Variants in DGKB observed in about 807,000 individuals in gnomAD.
DGKB encodes diacylglycerol kinase beta, also known as 90 kDa diacylglycerol kinase.
DGKB carries 67 observed loss-of-function variants against 114.3 expected under a neutral mutation model. That is an observed-to-expected ratio of 0.59 (90% CI 0.48 to 0.72). The LOEUF is 0.72. Among genes scored for constraint, DGKB ranks in the 30% least tolerant of loss-of-function variants. The pLI, the probability that DGKB is intolerant of heterozygous loss-of-function variation, is 0.00. For synonymous variants in DGKB, 398 were observed against 323.1 expected (o/e 1.23, Z -2.49); for missense variants, 907 against 975.2 (o/e 0.93, Z 0.93).
At chr7:14,211,071 A>G (rs1430902005) in intron 23 of DGKB, among the ~76,000 whole-genome samples, 1 of 152,030 alleles carries the variant, frequency 6.6e-6, no homozygotes, top group African/African-American at 2.4e-5. Context: ...AAACATCTTT[A>G]TAGGTTTCTT....
At chr7:14,304,690 A>T (rs1804180229) in intron 23 of DGKB, among the ~76,000 whole-genome samples, 1 of 152,118 alleles carries the variant, frequency 6.6e-6, no homozygotes, top group Non-Finnish European at 1.5e-5. Context: ...TTCAATTTTT[A>T]ACCTGAGAAA....
intron 25 of DGKB, among the ~76,000 whole-genome samples, chr7:14,150,110 T>C (rs1384297648): frequency 6.6e-6 from 1 of 152,150 alleles, no homozygotes; most frequent in African/African-American, 2.4e-5. Context: ...TGATTCTCAT[T>C]ATGTAATAAA....
intron 21 of DGKB, among the ~76,000 whole-genome samples, chr7:14,352,870 C>T (rs1813738070): frequency 6.6e-6 from 1 of 152,126 alleles, no homozygotes; most frequent in Admixed American, 6.5e-5. Flanking sequence ...CTGCAGTGAG[C>T]TGAGATCGTG....
intron 23 of DGKB, among the ~76,000 whole-genome samples, chr7:14,181,534 A>G (rs1404930083): frequency 6.6e-6 from 1 of 152,236 alleles, no homozygotes; most frequent in Non-Finnish European, 1.5e-5. Context: ...TACAAAAGAA[A>G]GTAGAACAGT....
chr7:14,858,262 C>T (rs1337903784), intron 1 of DGKB, among the ~76,000 whole-genome samples: 1 of 152,138 alleles, frequency 6.6e-6, no homozygotes, highest in Non-Finnish European at 1.5e-5. Context: ...TATTTATGTT[C>T]TTGCCACAAC....
At chr7:14,811,738 GGC>G (rs1843461349) in intron 2 of DGKB, among the ~76,000 whole-genome samples, 1 of 151,600 alleles carries the variant, frequency 6.6e-6, no homozygotes. Flanking sequence ...TTAAAAATTG[GGC>G]TATCCCTTAT....
chr7:14,237,897 A>G (rs1793046242), intron 23 of DGKB, among the ~76,000 whole-genome samples: 1 of 152,178 alleles, frequency 6.6e-6, no homozygotes, highest in African/African-American at 2.4e-5. Flanking sequence ...AAAAGTAATC[A>G]ATAATCTTGT....
chr7:14,303,385 A>T (rs967975661), intron 23 of DGKB, among the ~76,000 whole-genome samples: 1 of 152,148 alleles, frequency 6.6e-6, no homozygotes, highest in African/African-American at 2.4e-5. Context: ...AGCCATATTC[A>T]CCTTTCCAGA....
intron 13 of DGKB, among the ~76,000 whole-genome samples, chr7:14,668,407 G>A (rs1585505146): frequency 6.6e-6 from 1 of 152,114 alleles, no homozygotes; most frequent in Non-Finnish European, 1.5e-5. Flanking sequence ...TTGGGATTTG[G>A]AGAAAATCTC....
At chr7:14,867,835 T>C (rs1851902257) in intron 1 of DGKB, among the ~76,000 whole-genome samples, 1 of 152,248 alleles carries the variant, frequency 6.6e-6, no homozygotes, top group African/African-American at 2.4e-5. Context: ...CCTTAACCTA[T>C]GTCTAATTTT....
chr7:14,895,926 T>G (rs1196254924), intron 1 of DGKB, among the ~76,000 whole-genome samples: 2 of 151,716 alleles, frequency 1.3e-5, no homozygotes, highest in African/African-American at 2.4e-5. Flanking sequence ...AAACACTTCC[T>G]TATATTTTCT....
rs181146999 is a variant in DGKB, at chr7:14,184,545, G to A, written c.2123-6394C>T. On this transcript the variant is annotated intron_variant, in intron 23 of 25. Transcript: ENST00000402815. Reference sequence around the variant, plus strand: ...TGACAACCTGCATGACTCAGCAGAGGCAGCCATAATCCTCCTAGGTATACA... The same window carrying A: ...TGACAACCTGCATGACTCAGCAGAGACAGCCATAATCCTCCTAGGTATACA... Among the ~76,000 whole-genome samples the A allele has an allele frequency of 2.2e-3, 334 of 152,176 alleles. 3 individuals carry two copies. The highest frequency in any genetic ancestry group is 0.011 in the Admixed American group (168 of 15,298).
intron 1 of DGKB, among the ~76,000 whole-genome samples, chr7:14,953,684 T>C (rs1280266921): frequency 1.3e-5 from 2 of 152,118 alleles, no homozygotes; most frequent in Non-Finnish European, 2.9e-5. Context: ...CTAGCAAATC[T>C]GCTCTTAGGT....
chr7:14,180,395 A>G (rs1488020589), intron 23 of DGKB, among the ~76,000 whole-genome samples: 2 of 151,908 alleles, frequency 1.3e-5, no homozygotes, highest in Non-Finnish European at 2.9e-5. Context: ...CTTTCTTTTA[A>G]TTTGTCTTTG....
At chr7:14,667,098 A>G (rs1296478398) in intron 13 of DGKB, among the ~76,000 whole-genome samples, 1 of 152,088 alleles carries the variant, frequency 6.6e-6, no homozygotes. Flanking sequence ...GCATTTCATC[A>G]GTGCAGAGGA....
intron 1 of DGKB, among the ~76,000 whole-genome samples, chr7:14,843,095 T>G (rs1313729011): frequency 1.3e-5 from 2 of 151,618 alleles, no homozygotes; most frequent in Admixed American, 6.6e-5. Context: ...TCTCAGCTAC[T>G]CAGGGGGAAT....
intron 21 of DGKB, among the ~76,000 whole-genome samples, chr7:14,382,563 C>T: frequency 6.6e-6 from 1 of 152,056 alleles, no homozygotes; most frequent in Non-Finnish European, 1.5e-5. Flanking sequence ...AATTTTTAGA[C>T]ATCTCTATTC....
intron 1 of DGKB, among the ~76,000 whole-genome samples, chr7:14,967,957 T>A (rs1276749141): frequency 6.6e-6 from 1 of 152,096 alleles, no homozygotes; most frequent in Non-Finnish European, 1.5e-5. Flanking sequence ...TACTGAGGAT[T>A]AATGAGTATT....
rs147063726 is a variant in DGKB at position 14,825,465 on chromosome 7, G to A, written c.70+15729C>T. 8.5e-4 allele frequency among the ~76,000 whole-genome samples: 130 copies of A among 152,176 alleles called. No individual in the cohort carries two copies. The East Asian group carries it at 0.015, about 18-fold the overall frequency. ...ATGATGGGAGACAGTGACAGATATCGGATATTATATTTTCATAAGGAGCAC... is the reference window on the plus strand; with the variant it reads ...ATGATGGGAGACAGTGACAGATATCAGATATTATATTTTCATAAGGAGCAC... On this transcript the variant is annotated intron_variant, in intron 2 of 25. Coordinates refer to ENST00000402815, the MANE Select transcript of DGKB (RefSeq NM_001350709.2).
Sources: allele counts gnomAD v4.1 joint callset (sites outside exome capture counted in the v4.1 genomes callset), GRCh38; gene constraint gnomAD v4.1.1; transcripts MANE v1.5; gene names NCBI Gene and HGNC (gene_info 2026-07-23, HGNC 2026-07-21).